The following NAV3 variants were observed in gnomAD, a reference collection of about 807,000 sequenced individuals.
NAV3 encodes neuron navigator 3.
NAV3 carries 87 observed loss-of-function variants against 244.7 expected under a neutral mutation model. That is an observed-to-expected ratio of 0.36 (90% CI 0.30 to 0.42). The LOEUF (loss-of-function observed/expected upper bound fraction) is 0.42, where lower values mean the gene tolerates loss of function less well. Among genes scored for constraint, NAV3 ranks in the 20% least tolerant of loss-of-function variants. The pLI is 1.00. For synonymous variants in NAV3, 1,126 were observed against 1,042.2 expected (o/e 1.08, Z -1.55); for missense variants, 2,663 against 2,893.3 (o/e 0.92, Z 1.83).
chr12:78,116,081 T>C (rs1416818463), intron 12 of NAV3, among the ~76,000 whole-genome samples: 5 of 152,218 alleles, frequency 3.3e-5, no homozygotes, highest in Admixed American at 1.3e-4. Context: ...TTGAAGGATG[T>C]TGAGCAAGGT....
chr12:77,902,394 C>T (rs1443824457), intron 1 of NAV3, among the ~76,000 whole-genome samples: 1 of 152,160 alleles, frequency 6.6e-6, no homozygotes, highest in Non-Finnish European at 1.5e-5. Flanking sequence ...AGATACATCC[C>T]ATCAATACCT....
intron 2 of NAV3, among the ~76,000 whole-genome samples, chr12:77,790,927 T>C (rs1871149295): frequency 6.6e-6 from 1 of 152,198 alleles, no homozygotes; most frequent in African/African-American, 2.4e-5. Context: ...TCCCTCTTAC[T>C]ACTCTCTCCT....
chr12:77,953,211 A>G (rs1414106042), intron 3 of NAV3, among the ~76,000 whole-genome samples: 1 of 152,170 alleles, frequency 6.6e-6, no homozygotes, highest in Non-Finnish European at 1.5e-5. Flanking sequence ...CAGGGTTTTG[A>G]ACAAAATATT....
chr12:77,805,922 C>A (rs1017909592), intron 2 of NAV3, among the ~76,000 whole-genome samples: 5 of 152,114 alleles, frequency 3.3e-5, no homozygotes, highest in Admixed American at 2.6e-4. Flanking sequence ...GGAATTTATC[C>A]ATTTCTTCTA....
At position 77,898,126 on chromosome 12, in the gene NAV3, A is replaced by C. The variant is rs1416202520; in HGVS notation, c.244-42193A>C. 1.3e-5 allele frequency among the ~76,000 whole-genome samples: 2 copies of C among 152,238 alleles called. 1 individual carries two copies. Among genetic ancestry groups the C allele is most frequent in the East Asian group, 3.8e-4 (2 of 5,202 alleles). ...TTATGGAAATTAACTACCTAGACGA[A>C]TATCACACACACTTGAACAAACACT... On this transcript the variant is annotated intron_variant, in intron 1 of 39. Transcript: ENST00000397909.
chr12:77,667,757 C>T (rs1464589254), intron 2 of NAV3, among the ~76,000 whole-genome samples: 2 of 152,108 alleles, frequency 1.3e-5, no homozygotes, highest in Non-Finnish European at 2.9e-5. Context: ...CTAAACCAGG[C>T]ACCCCTAGGG....
At chr12:77,738,146 T>A (rs949783381) in intron 2 of NAV3, among the ~76,000 whole-genome samples, 1 of 152,226 alleles carries the variant, frequency 6.6e-6, no homozygotes, top group African/African-American at 2.4e-5. Flanking sequence ...TCTAATTGGA[T>A]TCTGGATGGC....
At chr12:77,708,522 G>T (rs1179236836) in intron 2 of NAV3, among the ~76,000 whole-genome samples, 1 of 152,184 alleles carries the variant, frequency 6.6e-6, no homozygotes, top group African/African-American at 2.4e-5. Flanking sequence ...TTTGGCTTAG[G>T]ATTGTCTTGG....
Position 77,691,348 on chromosome 12 carries a change from TATATATAC to T in NAV3, c.72+119087_72+119094del, listed in dbSNP as rs1239090306. 2.6e-4 allele frequency among the ~76,000 whole-genome samples: 35 copies of T among 136,464 alleles called. 2 individuals carry two copies. Among genetic ancestry groups the T allele is most frequent in the East Asian group, 1.8e-3 (8 of 4,554 alleles). The allele number at this position is 136,464 out of a possible 152,430, so 89.5% of individuals were successfully genotyped here. A position where few individuals can be genotyped will look rare whatever the true frequency, so the allele number is the denominator to read the frequency against. On this transcript the variant is annotated intron_variant, in intron 2 of 8. Coordinates refer to the NAV3 transcript ENST00000550042. ...ATTTGTGTATGTGTGTATATATATA[TATATATAC>T]ATATCCATTCTTGTACTTTTTCTGC... is the stretch of plus-strand genomic sequence containing the variant.
At chr12:77,705,332 A>C (rs1248782576) in intron 2 of NAV3, among the ~76,000 whole-genome samples, 1 of 151,088 alleles carries the variant, frequency 6.6e-6, no homozygotes, top group Non-Finnish European at 1.5e-5. Context: ...AGGCACAAGA[A>C]TCGCTTGAAT....
intron 1 of NAV3, among the ~76,000 whole-genome samples, chr12:77,906,564 A>G (rs1047872313): frequency 2.0e-5 from 3 of 152,094 alleles, no homozygotes; most frequent in Non-Finnish European, 4.4e-5. Flanking sequence ...TTGAGGGATT[A>G]GGAAATAATG....
Position 77,759,763 on chromosome 12 carries a change from AT to A in NAV3, c.73-180547del, listed in dbSNP as rs5799342. Among the ~76,000 whole-genome samples, 280 of 151,406 alleles carry A rather than the reference AT, an allele frequency of 1.8e-3. 2 individuals carry two copies. Among genetic ancestry groups the A allele is most frequent in the South Asian group, 7.9e-3 (38 of 4,808 alleles). On this transcript the variant is annotated intron_variant, in intron 2 of 8. Coordinates refer to the NAV3 transcript ENST00000550042. ...CATTGGTGAAGACGGTCTGATTTTT[AT>A]TTTTTTTTAACATTTCTGGATCATA...
chr12:77,824,924 CAA>C (rs1340609442), intron 2 of NAV3, among the ~76,000 whole-genome samples: 1 of 137,816 alleles, frequency 7.3e-6, no homozygotes, highest in Non-Finnish European at 1.6e-5. Flanking sequence ...ACAACAACAA[CAA>C]AGAAAATCAA....
At chr12:77,957,088 C>T (rs933619134) in intron 3 of NAV3, among the ~76,000 whole-genome samples, 2 of 152,188 alleles carry the variant, frequency 1.3e-5, no homozygotes, top group Admixed American at 1.3e-4. Context: ...GAAGCTTTCT[C>T]TGTATCTGTA....
At chr12:78,012,291 T>C (rs1170294550) in intron 8 of NAV3, among the ~76,000 whole-genome samples, 1 of 152,020 alleles carries the variant, frequency 6.6e-6, no homozygotes, top group African/African-American at 2.4e-5. Flanking sequence ...CCAATTCTCA[T>C]CTAGTTTCCA....
intron 1 of NAV3, among the ~76,000 whole-genome samples, chr12:77,918,621 A>G (rs1358190984): frequency 1.3e-5 from 2 of 152,058 alleles, no homozygotes. Flanking sequence ...CCGGCTGCCC[A>G]TCAGCTAGGT....
At chr12:77,999,695 T>G (rs1311046523) in intron 7 of NAV3, among the ~76,000 whole-genome samples, 1 of 152,174 alleles carries the variant, frequency 6.6e-6, no homozygotes, top group East Asian at 1.9e-4. Flanking sequence ...AATGTTTTCT[T>G]TAAAATATAA....
At chr12:77,840,415 G>A (rs570939519) in intron 1 of NAV3, among the ~76,000 whole-genome samples, 2 of 152,196 alleles carry the variant, frequency 1.3e-5, no homozygotes, top group South Asian at 4.1e-4. Flanking sequence ...AATGGGTGGG[G>A]GACATTTCCA....
intron 2 of NAV3, among the ~76,000 whole-genome samples, chr12:77,705,986 T>C (rs796155036): frequency 8.6e-5 from 13 of 151,574 alleles, no homozygotes; most frequent in African/African-American, 2.7e-4. Flanking sequence ...GTAGTTGTGT[T>C]TTTCCCTTCA....
Sources: allele counts gnomAD v4.1 joint callset (sites outside exome capture counted in the v4.1 genomes callset), GRCh38; gene constraint gnomAD v4.1.1; transcripts MANE v1.5; gene names NCBI Gene and HGNC (gene_info 2026-07-23, HGNC 2026-07-21).